PAAF1: variants seen among roughly 807,000 people sequenced by gnomAD.
PAAF1 encodes the protein proteasomal ATPase associated factor 1.
Under a neutral mutation model 52.8 loss-of-function variants are expected in PAAF1, and 46 were observed. The observed-to-expected ratio is 0.87, with a 90% CI of 0.69 to 1.11. The LOEUF is 1.11. PAAF1 is among the 50% of genes most tolerant of loss of function. PAAF1 has a pLI of 0.00. For synonymous variants in PAAF1, 178 were observed against 172.8 expected (o/e 1.03, Z -0.24); for missense variants, 424 against 477.4 (o/e 0.89, Z 1.04).
At chr11:73,885,200 G>A (rs534342122) in intron 2 of PAAF1, among the ~76,000 whole-genome samples, 9 of 151,720 alleles carry the variant, frequency 5.9e-5, no homozygotes, top group Admixed American at 2.6e-4. Flanking sequence ...GTGCAATGGC[G>A]TGGTCTCGGC....
intron 7 of PAAF1, among the ~76,000 whole-genome samples, chr11:73,911,246 T>A (rs1174461780): frequency 6.6e-6 from 1 of 152,208 alleles, no homozygotes; most frequent in Non-Finnish European, 1.5e-5. Flanking sequence ...TACATAGTAG[T>A]TTCTTAGCCC....
chr11:73,899,179 C>G lies in PAAF1; in HGVS notation c.316C>G (p.Leu106Val). ...TCLDISSRGG[L>V]GVSSSTDGTM... ...CCTGGACATTTCCAGCAGAGGAGGTCTTGGTGTGTCTTCTAGTACTGACGG... is the reference window on the plus strand; with the variant it reads ...CCTGGACATTTCCAGCAGAGGAGGTGTTGGTGTGTCTTCTAGTACTGACGG... Residue 106 changes from leucine to valine, a missense_variant, in exon 5 of 12, where the codon CTT becomes GTT. Physicochemically the swap from Leu to Val is conservative, Grantham distance 32 (BLOSUM62 1). Coordinates refer to ENST00000310571, the MANE Select transcript of PAAF1 (RefSeq NM_025155.3). The G allele has an allele frequency of 6.2e-7, 1 of 1,614,018 alleles. No individual in the cohort carries two copies. Among genetic ancestry groups the G allele is most frequent in the Non-Finnish European group, 8.5e-7 (1 of 1,179,984 alleles).
intron 7 of PAAF1, among the ~76,000 whole-genome samples, chr11:73,912,813 A>G (rs1172023437): frequency 6.6e-6 from 1 of 152,032 alleles, no homozygotes; most frequent in African/African-American, 2.4e-5. Flanking sequence ...TGTTCACTAC[A>G]TTTCAGCCAC....
chr11:73,918,927 T>C (rs765826928), intron 9 of PAAF1, 23 bp from the exon 10 acceptor site: 2 of 1,594,196 alleles, frequency 1.3e-6, no homozygotes, highest in Non-Finnish European at 1.7e-6. Context: ...GAAAGTAAAA[T>C]TTCCCCTTTC....
At chr11:73,886,804 AGT>A (rs1949072726) in intron 2 of PAAF1, 1 of 198,040 alleles carries the variant, frequency 5.0e-6, no homozygotes, top group Non-Finnish European at 1.1e-5. Context: ...TTTAATCCTC[AGT>A]GTTGGAGGTA....
chr11:73,891,102 C>G lies in PAAF1; in HGVS notation c.193-10C>G. 1 of 1,540,254 alleles carries G rather than the reference C, an allele frequency of 6.5e-7. No homozygotes were observed. The highest frequency in any genetic ancestry group is 8.9e-7 in the Non-Finnish European group (1 of 1,117,480). The stretch of plus-strand genomic sequence containing the variant: ...TTACTGATGAATCTCATCTTTTCCT[C>G]TTTGTTTAGAAAAGCATTCATATTT... On this transcript the variant is annotated splice_polypyrimidine_tract_variant and intron_variant, in intron 3 of 11. Coordinates refer to ENST00000310571, the MANE Select transcript of PAAF1 (RefSeq NM_025155.3).
At chr11:73,881,066 T>C (rs1287868700) in intron 2 of PAAF1, among the ~76,000 whole-genome samples, 2 of 152,144 alleles carry the variant, frequency 1.3e-5, no homozygotes, top group Non-Finnish European at 2.9e-5. Flanking sequence ...CTAAAATATA[T>C]AAACATACAT....
intron 4 of PAAF1, among the ~76,000 whole-genome samples, chr11:73,898,673 G>A (rs1949504498): frequency 6.6e-6 from 1 of 152,070 alleles, no homozygotes; most frequent in Non-Finnish European, 1.5e-5. Flanking sequence ...CAGAAATAAG[G>A]CACAGTGGTG....
intron 9 of PAAF1, among the ~76,000 whole-genome samples, chr11:73,917,904 T>C (rs1950109394): frequency 6.6e-6 from 1 of 151,900 alleles, no homozygotes; most frequent in Admixed American, 6.6e-5. Flanking sequence ...GACTCTGCCT[T>C]TGAGGCACCT....
rs939440642 is a variant in PAAF1, at chr11:73,927,465, T to C, written c.*103T>C. On this transcript the variant is annotated 3_prime_UTR_variant, in exon 12 of 12. Coordinates refer to ENST00000310571, the MANE Select transcript of PAAF1 (RefSeq NM_025155.3). ...CCCAAGGACCATGGCGTTTAATGTC[T>C]TGGGCACCCCTTGGAAATCACAGAA... 1 of 964,108 alleles carries C rather than the reference T, an allele frequency of 1.0e-6. No individual in the cohort carries two copies. Among genetic ancestry groups the C allele is most frequent in the Admixed American group, 2.0e-5 (1 of 49,216 alleles). The allele number at this position is 964,108 out of a possible 1,614,324, so 59.7% of individuals were successfully genotyped here.
At chr11:73,909,744 A>G (rs1565145309) in intron 7 of PAAF1, 151 bp downstream of exon 7, 1 of 720,830 alleles carries the variant, frequency 1.4e-6, no homozygotes, top group Non-Finnish European at 2.2e-6. Flanking sequence ...TGTACCTACT[A>G]TGTTTCTATT....
At chr11:73,912,210 C>T (rs1949952373) in intron 7 of PAAF1, among the ~76,000 whole-genome samples, 1 of 152,116 alleles carries the variant, frequency 6.6e-6, no homozygotes, top group African/African-American at 2.4e-5. Flanking sequence ...CCTTTGTGAC[C>T]TCATCTGTTC....
chr11:73,907,302 T>C (rs1248120894), intron 6 of PAAF1, among the ~76,000 whole-genome samples: 1 of 152,146 alleles, frequency 6.6e-6, no homozygotes, highest in African/African-American at 2.4e-5. Context: ...GTATGAGGGC[T>C]GGGTAGATAA....
chr11:73,899,066 A>G lies in PAAF1; in HGVS notation c.283-80A>G, dbSNP rs1173819201. The G allele has an allele frequency of 4.4e-6, 5 of 1,141,442 alleles. No individual in the cohort carries two copies. The Admixed American group carries it at 8.5e-5, about 19-fold the overall frequency. The allele number at this position is 1,141,442 out of a possible 1,614,324, so 70.7% of individuals were successfully genotyped here. A position where few individuals can be genotyped will look rare whatever the true frequency, so the allele number is the denominator to read the frequency against. On this transcript the variant is annotated intron_variant, in intron 4 of 11. Transcript: ENST00000310571. Reference sequence around the variant, plus strand: ...TCAGGAAGTCTTGGAAGAGTGAAAAAAGGGAAGTTTATAACATATTTCAAG... The same window carrying G: ...TCAGGAAGTCTTGGAAGAGTGAAAAGAGGGAAGTTTATAACATATTTCAAG...
At chr11:73,896,807 G>GGGTATGGGAGCTAT (rs1341287654) in intron 4 of PAAF1, among the ~76,000 whole-genome samples, 1 of 152,166 alleles carries the variant, frequency 6.6e-6, no homozygotes, top group Middle Eastern at 3.2e-3. Flanking sequence ...TCAATGAGCT[G>GGGTATGGGAGCTAT]TTGGGTACAC....
At chr11:73,896,410 A>G (rs1009460021) in intron 4 of PAAF1, among the ~76,000 whole-genome samples, 2 of 151,236 alleles carry the variant, frequency 1.3e-5, no homozygotes, top group Non-Finnish European at 2.9e-5. Flanking sequence ...CAAGTGAACA[A>G]AGGTCTCTGG....
chr11:73,883,411 G>T (rs184129195), intron 2 of PAAF1, among the ~76,000 whole-genome samples: 76 of 152,224 alleles, frequency 5.0e-4, no homozygotes, highest in Non-Finnish European at 2.6e-4. Context: ...GCAACCACTA[G>T]TTTACTTTCT....
intron 1 of PAAF1, chr11:73,877,278 G>A: frequency 2.4e-6 from 1 of 415,148 alleles, no homozygotes. Flanking sequence ...CACATGAGCT[G>A]TGTGATCCCC....
chr11:73,889,097 C>T (rs1949135851), intron 3 of PAAF1: 7 of 1,012,550 alleles, frequency 6.9e-6, no homozygotes, highest in Non-Finnish European at 1.0e-5. Context: ...TTTAGCACTA[C>T]CATGCAAGCC....
Sources: allele counts gnomAD v4.1 joint callset (sites outside exome capture counted in the v4.1 genomes callset), GRCh38; gene constraint gnomAD v4.1.1; transcripts MANE v1.5; gene names NCBI Gene and HGNC (gene_info 2026-07-23, HGNC 2026-07-21).